The following TG variants were observed in gnomAD, a reference collection of about 807,000 sequenced individuals.
TG encodes the protein thyroid hormones.
Under a neutral mutation model 324.7 loss-of-function variants are expected in TG, and 270 were observed. The observed-to-expected ratio is 0.83, with a 90% CI of 0.75 to 0.92. The LOEUF (loss-of-function observed/expected upper bound fraction) is 0.92, where lower values mean the gene tolerates loss of function less well. TG is among the 40% of genes least tolerant of loss of function. The pLI, the probability that TG is intolerant of heterozygous loss-of-function variation, is 0.00. For synonymous variants in TG, 1,401 were observed against 1,327.0 expected (o/e 1.06, Z -1.21); for missense variants, 3,591 against 3,456.4 (o/e 1.04, Z -0.98).
chr8:133,070,156 T>C (rs560371578), intron 41 of TG, among the ~76,000 whole-genome samples: 1 of 152,260 alleles, frequency 6.6e-6, no homozygotes, highest in South Asian at 2.1e-4. Flanking sequence ...AAATTCCTAA[T>C]AGTGTGTGCC....
At chr8:132,911,316 A>G (rs1009265702) in intron 18 of TG, 61 bp from the exon 19 acceptor site, 14 of 1,613,860 alleles carry the variant, frequency 8.7e-6, no homozygotes, top group African/African-American at 1.3e-5. Flanking sequence ...CCTGGTGTGG[A>G]CCCAACAAAA....
chr8:132,967,657 A>G (rs1828825210), intron 30 of TG, 137 bp from the exon 31 acceptor site: 3 of 963,520 alleles, frequency 3.1e-6, no homozygotes, highest in Admixed American at 2.0e-5. Flanking sequence ...AGACTGGATG[A>G]TCATGACAGT....
chr8:133,082,443 T>C (rs1463410629), intron 41 of TG, among the ~76,000 whole-genome samples: 1 of 152,192 alleles, frequency 6.6e-6, no homozygotes, highest in Non-Finnish European at 1.5e-5. Flanking sequence ...TCTTAAGGCC[T>C]TAATCGTTTT....
intron 40 of TG, among the ~76,000 whole-genome samples, chr8:133,029,109 T>C (rs1325074107): frequency 6.6e-6 from 1 of 152,106 alleles, no homozygotes; most frequent in African/African-American, 2.4e-5. Context: ...GACAAGTTAG[T>C]GGAGTAGTTT....
intron 15 of TG, 101 bp downstream of exon 15, chr8:132,900,440 A>G: frequency 8.9e-7 from 1 of 1,118,244 alleles, no homozygotes; most frequent in Non-Finnish European, 1.3e-6. Context: ...TACTGCTTCC[A>G]TAGCTGTGGG....
rs576680496 is a variant in TG at position 132,991,430 on chromosome 8, T to C, written c.6262+8018T>C. 4.6e-5 allele frequency among the ~76,000 whole-genome samples: 7 copies of C among 152,274 alleles called. 1 individual carries two copies. Among genetic ancestry groups the C allele is most frequent in the Middle Eastern group, 3.4e-3 (1 of 294 alleles). On this transcript the variant is annotated intron_variant, in intron 35 of 47. Transcript: ENST00000220616. ...TTCTTCATCCCTTTGGTCCTCAGCC[T>C]AGAAGGCCCAGGTGAGTGGCCACTG...
chr8:133,111,417 T>C (rs1415404865), intron 43 of TG, among the ~76,000 whole-genome samples: 1 of 152,186 alleles, frequency 6.6e-6, no homozygotes, highest in Non-Finnish European at 1.5e-5. Context: ...TAGCACAAAA[T>C]TTAGAAATAG....
chr8:132,901,606 TC>T, intron 16 of TG, 53 bp downstream of exon 16: 1 of 1,572,676 alleles, frequency 6.4e-7, no homozygotes, highest in Non-Finnish European at 8.6e-7. Flanking sequence ...TGTTCTTTGA[TC>T]CAGACTGGGT....
At chr8:133,017,453 C>T (rs555779734) in intron 37 of TG, among the ~76,000 whole-genome samples, 1 of 152,230 alleles carries the variant, frequency 6.6e-6, no homozygotes, top group East Asian at 1.9e-4. Context: ...GTGTTGTTTG[C>T]TGTTTGCTTC....
At chr8:133,033,053 C>T (rs926627097) in intron 41 of TG, among the ~76,000 whole-genome samples, 16 of 152,254 alleles carry the variant, frequency 1.1e-4, no homozygotes, top group Middle Eastern at 3.4e-3. Context: ...GAATTTGGGA[C>T]TCTCTTGGGG....
At chr8:132,927,430 TTAA>T (rs1324084339) in intron 22 of TG, among the ~76,000 whole-genome samples, 4 of 152,228 alleles carry the variant, frequency 2.6e-5, no homozygotes, top group Non-Finnish European at 5.9e-5. Flanking sequence ...TGATGAAATA[TTAA>T]TATATACTGT....
Position 132,974,919 on chromosome 8 carries a change from C to T in TG, c.6199+2178C>T, listed in dbSNP as rs74952320. Among the ~76,000 whole-genome samples, 1,184 of 152,286 alleles carry T rather than the reference C, an allele frequency of 7.8e-3. 21 individuals are homozygous for T. The highest frequency in any genetic ancestry group is 0.027 in the African/African-American group (1,131 of 41,560). ...TATTACCAGTTTGAATGGAATCTTC[C>T]TGCTGGTGTCCACCTTCAGCATCCT... On this transcript the variant is annotated intron_variant, in intron 34 of 47. Coordinates refer to ENST00000220616, the MANE Select transcript of TG (RefSeq NM_003235.5).
At chr8:132,964,384 G>A (rs536301406) in intron 29 of TG, among the ~76,000 whole-genome samples, 1 of 152,178 alleles carries the variant, frequency 6.6e-6, no homozygotes, top group Admixed American at 6.5e-5. Context: ...GCATTCCTGG[G>A]CTCAAGTAGA....
chr8:133,072,408 G>A (rs939378348), intron 41 of TG, among the ~76,000 whole-genome samples: 9 of 152,086 alleles, frequency 5.9e-5, no homozygotes, highest in African/African-American at 2.2e-4. Context: ...TGACCTCAAT[G>A]GATATTTTAT....
Position 132,898,779 on chromosome 8 carries a change from G to A in TG, c.3218-19G>A. ...GGCTCCCACGACCAGTCCTTTACAA[G>A]CACCTCTCTCTCCCACAGGCCCGAC... On this transcript the variant is annotated intron_variant, in intron 13 of 47. Transcript: ENST00000220616. 1.2e-6 allele frequency: 2 copies of A among 1,611,776 alleles called. No individual in the cohort carries two copies. Among genetic ancestry groups the A allele is most frequent in the Non-Finnish European group, 1.7e-6 (2 of 1,178,412 alleles).
At chr8:133,113,150 A>C (rs563945946) in intron 43 of TG, among the ~76,000 whole-genome samples, 45 of 152,304 alleles carry the variant, frequency 3.0e-4, no homozygotes, top group African/African-American at 1.0e-3. Flanking sequence ...GCCAGGTACC[A>C]TTGTAACTAC....
intron 40 of TG, among the ~76,000 whole-genome samples, chr8:133,024,208 A>T (rs538312820): frequency 6.6e-6 from 1 of 152,382 alleles, no homozygotes; most frequent in East Asian, 1.9e-4. Flanking sequence ...ACTGTAGTGC[A>T]GGCAGCTCCC....
At chr8:133,047,980 C>A in intron 41 of TG, 1 of 1,223,982 alleles carries the variant, frequency 8.2e-7, no homozygotes, top group Non-Finnish European at 1.2e-6. Context: ...AAGCCCTCCC[C>A]CAGGAAAGGC....
intron 8 of TG, among the ~76,000 whole-genome samples, chr8:132,886,243 G>A (rs894123785): frequency 1.3e-5 from 2 of 152,138 alleles, no homozygotes; most frequent in African/African-American, 2.4e-5. Context: ...ATGCCAACTG[G>A]AAAAGTCACA....
Sources: allele counts gnomAD v4.1 joint callset (sites outside exome capture counted in the v4.1 genomes callset), GRCh38; gene constraint gnomAD v4.1.1; transcripts MANE v1.5; gene names NCBI Gene and HGNC (gene_info 2026-07-23, HGNC 2026-07-21).